The following COL15A1 variants were observed in gnomAD, a reference collection of about 807,000 sequenced individuals.
The protein encoded by COL15A1 is collagen alpha-1(XV) chain.
COL15A1 carries 111 observed loss-of-function variants against 165.9 expected under a neutral mutation model. The ratio of observed to expected loss-of-function variants is 0.67; its 90% CI spans 0.57 to 0.78. The LOEUF (loss-of-function observed/expected upper bound fraction) is 0.78. Ranked by LOEUF, COL15A1 falls within the 30% of genes least tolerant of loss-of-function variation. The pLI, the probability that COL15A1 is intolerant of heterozygous loss-of-function variation, is 0.00. For missense variants in COL15A1, 1,745 were observed against 1,789.7 expected, an observed-to-expected ratio of 0.98 and a Z score of 0.45; for synonymous variants, 659 against 674.8, an observed-to-expected ratio of 0.98 and a Z score of 0.36.
chr9:98,987,821 G>GC (rs1236270343), intron 4 of COL15A1, among the ~76,000 whole-genome samples: 7 of 152,238 alleles, frequency 4.6e-5, no homozygotes, highest in African/African-American at 1.7e-4. Context: ...GATTGACTGA[G>GC]CACCTGCTGG....
chr9:98,979,900 G>A (rs1588499903), intron 2 of COL15A1, among the ~76,000 whole-genome samples: 1 of 152,186 alleles, frequency 6.6e-6, no homozygotes, highest in South Asian at 2.1e-4. Flanking sequence ...GCTCACACCT[G>A]TAATCCCAGC....
intron 2 of COL15A1, among the ~76,000 whole-genome samples, chr9:98,970,602 T>C (rs1438015486): frequency 6.6e-6 from 1 of 152,208 alleles, no homozygotes; most frequent in Non-Finnish European, 1.5e-5. Flanking sequence ...GGTTTGATTG[T>C]TTTTAGCCTC....
At chr9:99,009,443 C>T (rs1838813147) in intron 9 of COL15A1, among the ~76,000 whole-genome samples, 1 of 152,142 alleles carries the variant, frequency 6.6e-6, no homozygotes, top group Non-Finnish European at 1.5e-5. Flanking sequence ...GAAAATACTT[C>T]CTGTATGATT....
intron 2 of COL15A1, among the ~76,000 whole-genome samples, chr9:98,969,085 A>G (rs1838002721): frequency 6.6e-6 from 1 of 152,192 alleles, no homozygotes; most frequent in Admixed American, 6.5e-5. Context: ...TCAAAACTCT[A>G]CTGGATCCTC....
intron 5 of COL15A1, among the ~76,000 whole-genome samples, chr9:98,995,927 A>G (rs1307547336): frequency 6.6e-6 from 1 of 152,190 alleles, no homozygotes; most frequent in African/African-American, 2.4e-5. Flanking sequence ...GTGAAGCTCC[A>G]TGACTTGCCC....
chr9:99,034,629 C>CTCCTCCG, intron 17 of COL15A1, 45 bp downstream of exon 17: 1 of 1,496,722 alleles, frequency 6.7e-7, no homozygotes, highest in South Asian at 1.3e-5. Flanking sequence ...TTTCTTCTCC[C>CTCCTCCG]TCCTCCCCTT....
chr9:99,032,274 C>A (rs1468970517), intron 16 of COL15A1, among the ~76,000 whole-genome samples: 2 of 151,974 alleles, frequency 1.3e-5, no homozygotes, highest in African/African-American at 4.8e-5. Flanking sequence ...CTCACTGCAA[C>A]CTCCTCCTGG....
chr9:99,054,436 C>T (rs1588535968), intron 31 of COL15A1, 140 bp from the exon 32 acceptor site: 2 of 839,346 alleles, frequency 2.4e-6, no homozygotes, highest in South Asian at 2.0e-5. Flanking sequence ...TATGATTTTA[C>T]ACTTGCTGAT....
intron 31 of COL15A1, among the ~76,000 whole-genome samples, chr9:99,053,558 C>T (rs909655903): frequency 2.6e-5 from 4 of 152,236 alleles, no homozygotes; most frequent in Non-Finnish European, 4.4e-5. Flanking sequence ...GCAGCTACTA[C>T]TGCTCCGGTT....
intron 2 of COL15A1, among the ~76,000 whole-genome samples, chr9:98,952,371 T>C (rs1837702427): frequency 6.6e-6 from 1 of 152,232 alleles, no homozygotes; most frequent in African/African-American, 2.4e-5. Context: ...CTCTTTATCT[T>C]TCTTATTATA....
rs1278059451 is a variant in COL15A1, at chr9:99,041,999, T to A, written c.2512-46T>A. Reference sequence around the variant, plus strand: ...ATATATTTCTGATTGGTTTATGCATTTTAATCTTAACGAACAACCAAATAC... The same window carrying A: ...ATATATTTCTGATTGGTTTATGCATATTAATCTTAACGAACAACCAAATAC... On this transcript the variant is annotated intron_variant, in intron 23 of 41. Transcript: ENST00000375001. 2.3e-6 allele frequency: 3 copies of A among 1,283,520 alleles called. No individual in the cohort carries two copies. In the African/African-American group the frequency reaches 4.4e-5, roughly 19 times the overall value. 79.5% of individuals were successfully genotyped at this position (1,283,520 alleles called of 1,614,324 possible).
At chr9:98,958,754 A>G (rs1469231800) in intron 2 of COL15A1, among the ~76,000 whole-genome samples, 1 of 152,148 alleles carries the variant, frequency 6.6e-6, no homozygotes, top group Non-Finnish European at 1.5e-5. Context: ...GAAGTTCTCT[A>G]AGATGCCCCG....
At chr9:99,037,485 G>A (rs935610175) in intron 21 of COL15A1, among the ~76,000 whole-genome samples, 2 of 152,192 alleles carry the variant, frequency 1.3e-5, no homozygotes, top group African/African-American at 4.8e-5. Context: ...TTGAGAGGCC[G>A]AGGCAGGAGG....
intron 2 of COL15A1, among the ~76,000 whole-genome samples, chr9:98,963,882 A>G (rs1270494981): frequency 2.6e-5 from 4 of 152,216 alleles, no homozygotes; most frequent in Non-Finnish European, 5.9e-5. Flanking sequence ...CATGACTTGC[A>G]GTGCCAGGCA....
chr9:99,047,967 G>T lies in COL15A1; in HGVS notation c.2760G>T (p.Lys920Asn). The T allele has an allele frequency of 6.2e-7, 1 of 1,603,208 alleles. No individual in the cohort carries two copies. Among genetic ancestry groups the T allele is most frequent in the Non-Finnish European group, 8.5e-7 (1 of 1,172,706 alleles). Residue 920 changes from lysine (K) to asparagine (N), a missense_variant, in exon 28 of 42, where the codon AAG becomes AAT. By Grantham distance (94) the Lys-to-Asn change is moderately conservative (BLOSUM62 0). Coordinates refer to ENST00000375001, the MANE Select transcript of COL15A1 (RefSeq NM_001855.5). ...RPGRPGLNGL[K>N]GTKGDPGVIM... ...GTCGCCCAGGACTGAATGGCCTCAA[G>T]GGTACCAAAGGAGATCCAGGGGTCA...
At chr9:98,980,468 C>A (rs879590967) in intron 2 of COL15A1, among the ~76,000 whole-genome samples, 1 of 152,124 alleles carries the variant, frequency 6.6e-6, no homozygotes, top group Non-Finnish European at 1.5e-5. Flanking sequence ...GGGCAGATGG[C>A]ACAGAGGAAA....
intron 17 of COL15A1, 90 bp from the exon 18 acceptor site, chr9:99,034,924 C>T (rs748524813): frequency 2.8e-5 from 32 of 1,155,332 alleles, no homozygotes; most frequent in Middle Eastern, 4.1e-4. Flanking sequence ...TAATTAACTT[C>T]AAGGAGTGAT....
intron 35 of COL15A1, among the ~76,000 whole-genome samples, chr9:99,057,337 CT>C (rs1825736329): frequency 6.6e-6 from 1 of 152,182 alleles, no homozygotes. Flanking sequence ...TGAGTGGAAA[CT>C]TCCTGGCTGC....
chr9:99,036,482 C>T (rs1241641536), intron 21 of COL15A1, 86 bp downstream of exon 21: 1 of 1,438,732 alleles, frequency 7.0e-7, no homozygotes, highest in African/African-American at 1.4e-5. Flanking sequence ...TTCAAAGCTT[C>T]TGGCTATGCA....
Sources: allele counts gnomAD v4.1 joint callset (sites outside exome capture counted in the v4.1 genomes callset), GRCh38; gene constraint gnomAD v4.1.1; transcripts MANE v1.5; gene names NCBI Gene and HGNC (gene_info 2026-07-23, HGNC 2026-07-21).